The following DNAJB1 variants were observed in gnomAD, a reference collection of about 807,000 sequenced individuals.
DNAJB1 encodes DnaJ heat shock protein family (Hsp40) member B1, also known as dnaJ homolog subfamily B member 1.
Under a neutral mutation model 24.0 loss-of-function variants are expected in DNAJB1, and 14 were observed. The observed-to-expected ratio is 0.58, with a 90% confidence interval of 0.39 to 0.91. DNAJB1 has a LOEUF of 0.91. Among genes scored for constraint, DNAJB1 ranks in the 40% least tolerant of loss-of-function variants. DNAJB1 has a pLI of 0.00. For missense variants in DNAJB1, 517 were observed against 458.1 expected (o/e 1.13, Z -1.17); for synonymous variants, 262 against 174.4 (o/e 1.50, Z -3.96).
chr19:14,523,073 G>T (rs933758040), upstream of DNAJB1, among the ~76,000 whole-genome samples: 1 of 152,062 alleles, frequency 6.6e-6, no homozygotes, highest in Non-Finnish European at 1.5e-5. Context: ...GGGCATGGTG[G>T]CATGTGCCCA....
intron 2 of DNAJB1, 110 bp from the exon 3 acceptor site, chr19:14,516,280 C>G (rs941450376): frequency 7.3e-7 from 1 of 1,361,174 alleles, no homozygotes; most frequent in African/African-American, 1.5e-5. Flanking sequence ...CAGCTAAGAC[C>G]TGGCCCCCAA....
intron 1 of DNAJB1, among the ~76,000 whole-genome samples, chr19:14,539,005 G>A (rs1167663313): frequency 7.2e-6 from 1 of 139,842 alleles, no homozygotes; most frequent in South Asian, 2.3e-4. Context: ...ACAGAGTCTC[G>A]CTCCGTCACC....
chr19:14,543,049 T>C (rs1599436843), intron 1 of DNAJB1, among the ~76,000 whole-genome samples: 1 of 114,334 alleles, frequency 8.7e-6, no homozygotes, highest in African/African-American at 3.3e-5. Flanking sequence ...GCGTGGGATC[T>C]GGGCTTGTCC....
upstream of DNAJB1, among the ~76,000 whole-genome samples, chr19:14,552,573 G>A (rs892511942): frequency 5.3e-4 from 76 of 144,752 alleles, no homozygotes; most frequent in South Asian, 2.3e-4. Flanking sequence ...TCGTTCTGTC[G>A]CCCAGGCTGG....
upstream of DNAJB1, among the ~76,000 whole-genome samples, chr19:14,519,357 A>G (rs951843890): frequency 6.6e-6 from 1 of 152,238 alleles, no homozygotes; most frequent in Non-Finnish European, 1.5e-5. Flanking sequence ...CAACAGAGCG[A>G]GACTCCGTCT....
chr19:14,516,600 A>G lies in DNAJB1; in HGVS notation c.658T>C (p.Phe220Leu). The G allele has an allele frequency of 6.2e-7, 1 of 1,614,160 alleles. No homozygotes were observed. ...KGWKEGTKIT[F>L]PKEGDQTSNN... ...GAGGTCTGGTCTCCTTCCTTGGGGA[A>G]AGTGATTTTGGTTCCTTCTTTCCAC... is the stretch of plus-strand genomic sequence containing the variant. The change falls in exon 2 of 3, where the codon TTC becomes CTC. Residue 220 changes from phenylalanine (F) to leucine (L), a missense_variant. Coordinates refer to ENST00000254322, the MANE Select transcript of DNAJB1 (RefSeq NM_006145.3).
At position 14,516,889 on chromosome 19, in the gene DNAJB1, T is replaced by C. The variant is rs1948589566; in HGVS notation, c.369A>G (p.Glu123=). 3 of 1,614,018 alleles carry C rather than the reference T, an allele frequency of 1.9e-6. No individual in the cohort carries two copies. In the Admixed American group the frequency reaches 5.0e-5, roughly 27 times the overall value. Residue 123 remains glutamate (E), a synonymous_variant, in exon 2 of 3, where the codon GAA becomes GAG. Transcript: ENST00000254322. ...AGAATGGGTCATCAATGTCCATGCCTTCCTCCCCGTTCCGCTGCCCAAAAA... is the reference window on the plus strand; with the variant it reads ...AGAATGGGTCATCAATGTCCATGCCCTCCTCCCCGTTCCGCTGCCCAAAAA... ...DTFFGQRNGE[E]GMDIDDPFSG... is the part of the protein sequence containing the mutation.
At chr19:14,535,560 A>G (rs1182919497) in intron 1 of DNAJB1, among the ~76,000 whole-genome samples, 1 of 21,856 alleles carries the variant, frequency 4.6e-5, no homozygotes, top group African/African-American at 1.7e-4. Context: ...ATATATATAT[A>G]TATATATATA....
intron 1 of DNAJB1, among the ~76,000 whole-genome samples, chr19:14,538,701 T>A (rs2072991016): frequency 6.6e-6 from 1 of 150,394 alleles, no homozygotes; most frequent in Admixed American, 6.6e-5. Flanking sequence ...CCTGGCTAAT[T>A]TTTGTATTTT....
chr19:14,545,319 G>A (rs10406927), intron 1 of DNAJB1: 137,165 of 402,826 alleles, frequency 0.34, 25,069 homozygotes, highest in Non-Finnish European at 0.41. Context: ...TGCATTCCCC[G>A]CCAGGGAGCC....
Position 14,518,383 on chromosome 19 carries a change from C to T in DNAJB1, c.-34G>A, listed in dbSNP as rs756633322. ...CCTGCGGCCCGCCGACCCGCTGTCG[C>T]CGTCCCCCGGCTCCGCCGCCGACCA... On this transcript the variant is annotated 5_prime_UTR_variant, in exon 1 of 3. Coordinates refer to ENST00000254322, the MANE Select transcript of DNAJB1 (RefSeq NM_006145.3). The T allele has an allele frequency of 3.3e-6, 5 of 1,522,948 alleles. No homozygotes were observed. The African/African-American group carries it at 5.6e-5, about 17-fold the overall frequency. The allele number at this position is 1,522,948 out of a possible 1,614,324, so 94.3% of individuals were successfully genotyped here. A position where few individuals can be genotyped will look rare whatever the true frequency, so the allele number is the denominator to read the frequency against.
chr19:14,531,119 C>T (rs1219156568), upstream of DNAJB1: 2 of 152,116 alleles, frequency 1.3e-5, no homozygotes. Context: ...ACTGCAAACT[C>T]CGCCTCCTGG....
chr19:14,530,969 AT>A (rs2072625916), upstream of DNAJB1: 1 of 152,126 alleles, frequency 6.6e-6, no homozygotes, highest in South Asian at 2.1e-4. Flanking sequence ...GGCAGCCACC[AT>A]TCTACTCAGC....
upstream of DNAJB1, chr19:14,531,893 C>T (rs771815025): frequency 1.3e-5 from 2 of 152,058 alleles, no homozygotes; most frequent in South Asian, 2.1e-4. Context: ...ACTGTAGTCT[C>T]AGCTACTCGG....
chr19:14,525,050 AT>A (rs1489450502), intron 2 of DNAJB1, among the ~76,000 whole-genome samples: 1 of 152,006 alleles, frequency 6.6e-6, no homozygotes, highest in African/African-American at 2.4e-5. Context: ...CCTGACCAAC[AT>A]GGTGAAATTC....
At chr19:14,518,494 G>A, upstream of DNAJB1, 1 of 619,306 alleles carries the variant, frequency 1.6e-6, no homozygotes, top group Non-Finnish European at 2.3e-6. Flanking sequence ...CGCCCCCGCG[G>A]CGCCGGCCAA....
Position 14,518,375 on chromosome 19 carries a change from C to G in DNAJB1, c.-26G>C, listed in dbSNP as rs375387436. ...GACCCCCTCCTGCGGCCCGCCGACC[C>G]GCTGTCGCCGTCCCCCGGCTCCGCC... On this transcript the variant is annotated 5_prime_UTR_variant, in exon 1 of 3. Transcript: ENST00000254322. 9 of 1,527,084 alleles carry G rather than the reference C, an allele frequency of 5.9e-6. No individual in the cohort carries two copies. Among genetic ancestry groups the G allele is most frequent in the Middle Eastern group, 2.4e-4 (1 of 4,108 alleles). 94.6% of individuals were successfully genotyped at this position (1,527,084 alleles called of 1,614,324 possible).
intron 2 of DNAJB1, among the ~76,000 whole-genome samples, chr19:14,525,072 A>G (rs1330877614): frequency 6.6e-6 from 1 of 151,974 alleles, no homozygotes; most frequent in Non-Finnish European, 1.5e-5. Flanking sequence ...CGTCTGTACT[A>G]AAAACACAAA....
chr19:14,552,503 A>G (rs2073563765), upstream of DNAJB1, among the ~76,000 whole-genome samples: 1 of 151,014 alleles, frequency 6.6e-6, no homozygotes, highest in Non-Finnish European at 1.5e-5. Context: ...TTTCCAAGCC[A>G]CGTAACAGGC....
Sources: allele counts gnomAD v4.1 joint callset (sites outside exome capture counted in the v4.1 genomes callset), GRCh38; gene constraint gnomAD v4.1.1; transcripts MANE v1.5; gene names NCBI Gene and HGNC (gene_info 2026-07-23, HGNC 2026-07-21).